The following TRAPPC8 variants were observed in gnomAD, a reference collection of about 807,000 sequenced individuals.
The protein encoded by TRAPPC8 is general sporulation gene 1 homolog.
TRAPPC8 carries 54 observed loss-of-function variants against 174.3 expected under a neutral mutation model. That is an observed-to-expected ratio of 0.31 (90% CI 0.25 to 0.39). The LOEUF is 0.39. Ranked by LOEUF, TRAPPC8 falls within the 10% of genes least tolerant of loss-of-function variation. TRAPPC8 has a pLI of 1.00. For synonymous variants in TRAPPC8, 630 were observed against 579.9 expected (o/e 1.09, Z -1.24); for missense variants, 1,531 against 1,699.1 (o/e 0.90, Z 1.74).
intron 8 of TRAPPC8, 71 bp from the exon 9 acceptor site, chr18:31,907,681 C>A: frequency 1.5e-6 from 2 of 1,292,808 alleles, no homozygotes; most frequent in Non-Finnish European, 2.1e-6. Context: ...AATACATTAA[C>A]AAGCTGCCAT....
chr18:31,855,815 T>TAAA lies in TRAPPC8; in HGVS notation c.3189-11_3189-9dup, dbSNP rs34167680. The stretch of plus-strand genomic sequence containing the variant: ...TGTCTTAATATTCTGTGCCTGAAGT[T>TAAA]AAAAAAAAAAAAAAAAGCACATTTA... On this transcript the variant is annotated splice_polypyrimidine_tract_variant and intron_variant, in intron 20 of 28. Transcript: ENST00000283351. The TAAA allele has an allele frequency of 4.1e-3, 6,100 of 1,494,680 alleles. 261 individuals carry two copies. In the African/African-American group the frequency reaches 0.085, roughly 21 times the overall value. The allele number at this position is 1,494,680 out of a possible 1,614,324, so 92.6% of individuals were successfully genotyped here.
chr18:31,906,996 A>T (rs1010795551), intron 9 of TRAPPC8, among the ~76,000 whole-genome samples: 13 of 152,116 alleles, frequency 8.5e-5, no homozygotes, highest in Non-Finnish European at 4.4e-5. Context: ...AAAAACTTCT[A>T]AAAAAATTTT....
chr18:31,850,078 G>C (rs1363153239), intron 24 of TRAPPC8, among the ~76,000 whole-genome samples: 1 of 151,802 alleles, frequency 6.6e-6, no homozygotes, highest in Non-Finnish European at 1.5e-5. Context: ...TCAGCCTTCC[G>C]AGTAGCTAGG....
At chr18:31,916,849 A>AC (rs2037172954) in intron 3 of TRAPPC8, among the ~76,000 whole-genome samples, 1 of 151,080 alleles carries the variant, frequency 6.6e-6, no homozygotes, top group Admixed American at 6.6e-5. Flanking sequence ...TTCACAGCAA[A>AC]AAAAAAAAAA....
intron 16 of TRAPPC8, among the ~76,000 whole-genome samples, chr18:31,868,583 C>T (rs1427320491): frequency 6.6e-6 from 1 of 152,158 alleles, no homozygotes; most frequent in African/African-American, 2.4e-5. Context: ...AGTCAGAATA[C>T]AGCCTGGGAA....
At chr18:31,872,596 T>C (rs1311141679) in intron 14 of TRAPPC8, among the ~76,000 whole-genome samples, 1 of 152,048 alleles carries the variant, frequency 6.6e-6, no homozygotes, top group Non-Finnish European at 1.5e-5. Flanking sequence ...GTTTTTTGTA[T>C]TTTTAGTAGA....
At chr18:31,928,163 T>A (rs916923026) in intron 2 of TRAPPC8, among the ~76,000 whole-genome samples, 64 of 138,268 alleles carry the variant, frequency 4.6e-4, no homozygotes, top group Non-Finnish European at 7.8e-4. Flanking sequence ...CTAAAAAAAA[T>A]AAAATAAAAT....
intron 19 of TRAPPC8, among the ~76,000 whole-genome samples, chr18:31,859,728 T>C (rs971815898): frequency 6.6e-6 from 1 of 152,158 alleles, no homozygotes; most frequent in Admixed American, 6.5e-5. Context: ...ATTTTGACTC[T>C]TTAAGAAGAA....
intron 1 of TRAPPC8, among the ~76,000 whole-genome samples, chr18:31,941,139 TTG>T (rs1251928815): frequency 2.6e-5 from 4 of 152,168 alleles, no homozygotes; most frequent in Non-Finnish European, 5.9e-5. Context: ...GCTCAAGTGT[TTG>T]TGTTTTTTTA....
chr18:31,832,663 G>A (rs1432067517), intron 27 of TRAPPC8: 1 of 152,160 alleles, frequency 6.6e-6, no homozygotes, highest in Non-Finnish European at 1.5e-5. Flanking sequence ...ATATAGTTAT[G>A]AGGAAATCTC....
intron 27 of TRAPPC8, among the ~76,000 whole-genome samples, chr18:31,837,282 G>C (rs1244701027): frequency 6.6e-6 from 1 of 151,620 alleles, no homozygotes; most frequent in African/African-American, 2.4e-5. Context: ...GCTGCTATTG[G>C]AATATGCAAA....
At chr18:31,942,527 C>T in intron 1 of TRAPPC8, 81 bp downstream of exon 1, 1 of 1,432,102 alleles carries the variant, frequency 7.0e-7, no homozygotes, top group South Asian at 1.5e-5. Flanking sequence ...CACTGCCCTT[C>T]TCTTCCCTGC....
At chr18:31,831,211 T>C (rs2032347575) in intron 28 of TRAPPC8, among the ~76,000 whole-genome samples, 1 of 151,710 alleles carries the variant, frequency 6.6e-6, no homozygotes, top group African/African-American at 2.4e-5. Context: ...ATTAGCCAGG[T>C]ATGGTGGTGC....
Position 31,916,267 on chromosome 18 carries a change from C to A in TRAPPC8, c.617+5G>T. Reference sequence around the variant, plus strand: ...AAAAAATTTAAAACTAAAATAAAAACTTACCTCTGTTCATCTCCTGCACTT... The same window carrying A: ...AAAAAATTTAAAACTAAAATAAAAAATTACCTCTGTTCATCTCCTGCACTT... On this transcript the variant is annotated splice_donor_5th_base_variant and intron_variant, in intron 4 of 28. Transcript: ENST00000283351. 1 of 1,464,250 alleles carries A rather than the reference C, an allele frequency of 6.8e-7. No individual in the cohort carries two copies. Among genetic ancestry groups the A allele is most frequent in the Non-Finnish European group, 9.0e-7 (1 of 1,106,316 alleles). The allele number at this position is 1,464,250 out of a possible 1,614,324, so 90.7% of individuals were successfully genotyped here. A position where few individuals can be genotyped will look rare whatever the true frequency, so the allele number is the denominator to read the frequency against.
chr18:31,836,546 T>C (rs1185554781), intron 27 of TRAPPC8, among the ~76,000 whole-genome samples: 4 of 152,168 alleles, frequency 2.6e-5, no homozygotes, highest in Non-Finnish European at 5.9e-5. Context: ...AGAGCTGAAG[T>C]AGAAGATTGG....
At chr18:31,867,290 T>C in intron 17 of TRAPPC8, 112 bp downstream of exon 17, 1 of 855,068 alleles carries the variant, frequency 1.2e-6, no homozygotes, top group Non-Finnish European at 1.8e-6. Flanking sequence ...CTTCCAAATT[T>C]TAGTTCTTAA....
intron 14 of TRAPPC8, among the ~76,000 whole-genome samples, chr18:31,872,501 C>T (rs1317317671): frequency 6.6e-6 from 1 of 151,934 alleles, no homozygotes; most frequent in Non-Finnish European, 1.5e-5. Flanking sequence ...GCTACTGCAA[C>T]CTCCGCCTCC....
intron 1 of TRAPPC8, among the ~76,000 whole-genome samples, chr18:31,937,828 C>T (rs573338081): frequency 6.6e-6 from 1 of 151,994 alleles, no homozygotes; most frequent in East Asian, 1.9e-4. Context: ...CTCAGCCTCC[C>T]GAGCAGCTGG....
Position 31,853,950 on chromosome 18 carries a change from C to CA in TRAPPC8, c.3337-6dup, listed in dbSNP as rs368121793. 7,324 of 1,564,732 alleles carry CA rather than the reference C, an allele frequency of 4.7e-3. 138 individuals carry two copies. The African/African-American group carries it at 0.062, about 13-fold the overall frequency. ...TTCCTTAACGCCTGCTTCACTCTGT[C>CA]AAAAAAAAAGATAGGAGTCATTCAG... On this transcript the variant is annotated splice_region_variant and splice_polypyrimidine_tract_variant and intron_variant, in intron 21 of 28. Coordinates refer to ENST00000283351, the MANE Select transcript of TRAPPC8 (RefSeq NM_014939.5).
Sources: allele counts gnomAD v4.1 joint callset (sites outside exome capture counted in the v4.1 genomes callset), GRCh38; gene constraint gnomAD v4.1.1; transcripts MANE v1.5; gene names NCBI Gene and HGNC (gene_info 2026-07-23, HGNC 2026-07-21).